The following RAB8A variants were observed in gnomAD, a reference collection of about 807,000 sequenced individuals.
The protein encoded by RAB8A is RAB8A, member RAS oncogene family.
In RAB8A, 5 loss-of-function variants were observed where a neutral mutation model predicts 29.2. The observed-to-expected ratio is 0.17, with a 90% CI of 0.09 to 0.36. RAB8A has a LOEUF of 0.36. RAB8A is among the 10% of genes least tolerant of loss of function. The pLI is 1.00. For missense variants in RAB8A, 171 were observed against 272.2 expected (o/e 0.63, Z 2.62); for synonymous variants, 108 against 99.9 (o/e 1.08, Z -0.49).
Position 16,132,314 on chromosome 19 carries a change from C to T in RAB8A, c.*10C>T. On this transcript the variant is annotated 3_prime_UTR_variant, in exon 8 of 8. Coordinates refer to ENST00000300935, the MANE Select transcript of RAB8A (RefSeq NM_005370.5). The surrounding 1 kb of genome is among the most constrained non-coding windows in gnomAD (Gnocchi z 5.6). The stretch of plus-strand genomic sequence containing the variant: ...ATGTGTTCTTCTGTGAGGAACACCG[C>T]CTTACTCTGAGCCTCGCTCAGCCCA... 6.2e-7 allele frequency: 1 copy of T among 1,613,136 alleles called. No individual in the cohort carries two copies. Among genetic ancestry groups the T allele is most frequent in the Non-Finnish European group, 8.5e-7 (1 of 1,179,508 alleles).
At chr19:16,129,390 C>T (rs1038225774) in intron 6 of RAB8A, among the ~76,000 whole-genome samples, 164 bp from the exon 7 acceptor site, 2 of 152,140 alleles carry the variant, frequency 1.3e-5, no homozygotes, top group Non-Finnish European at 2.9e-5. Context: ...GAAGGATGAG[C>T]TGGGGCCGGA....
At chr19:16,116,494 A>G (rs1362142465) in intron 1 of RAB8A, among the ~76,000 whole-genome samples, 8 of 152,188 alleles carry the variant, frequency 5.3e-5, no homozygotes, top group Admixed American at 2.0e-4. Flanking sequence ...AACCATCACC[A>G]CAGGCAATTT....
In RAB8A at chr19:16,125,747, G is replaced by A. The variant is rs10416989; in HGVS notation, c.324+200G>A. 322,442 of 684,714 alleles carry A rather than the reference G, an allele frequency of 0.47. 77,053 individuals are homozygous for A. The highest frequency in any genetic ancestry group is 0.62 in the Admixed American group (30,692 of 49,510). 42.4% of individuals were successfully genotyped at this position (684,714 alleles called of 1,614,324 possible). On this transcript the variant is annotated intron_variant, in intron 4 of 7. Coordinates refer to ENST00000300935, the MANE Select transcript of RAB8A (RefSeq NM_005370.5). The surrounding 1 kb of genome is among the most constrained non-coding windows in gnomAD (Gnocchi z 5.0). ...CCACACACTGGCCTGGCCCCACCCC[G>A]GAGCCCCTCGGAGCCCATCCCTCCA...
Position 16,127,434 on chromosome 19 carries a change from C to T in RAB8A, c.325-3C>T. 6.7e-7 allele frequency: 1 copy of T among 1,491,106 alleles called. No homozygotes were observed. Among genetic ancestry groups the T allele is most frequent in the Non-Finnish European group, 8.9e-7 (1 of 1,121,704 alleles). 92.4% of individuals were successfully genotyped at this position (1,491,106 alleles called of 1,614,324 possible). On this transcript the variant is annotated splice_polypyrimidine_tract_variant and splice_region_variant and intron_variant, in intron 4 of 7. Coordinates refer to ENST00000300935, the MANE Select transcript of RAB8A (RefSeq NM_005370.5). The surrounding 1 kb of genome is among the most constrained non-coding windows in gnomAD (Gnocchi z 4.8). ...ATCCCCCGTCTGTCCCCCTCCCTCTCAGCACGCCTCTGCAGACGTCGAAAA... is the reference window on the plus strand; with the variant it reads ...ATCCCCCGTCTGTCCCCCTCCCTCTTAGCACGCCTCTGCAGACGTCGAAAA...
intron 1 of RAB8A, chr19:16,112,636 G>A (rs1568318056): frequency 6.4e-6 from 1 of 156,804 alleles, no homozygotes; most frequent in Non-Finnish European, 1.4e-5. Flanking sequence ...CCCAAAACTC[G>A]AGGCTTAGCT....
chr19:16,121,738 C>T lies in RAB8A; in HGVS notation c.186-12C>T, dbSNP rs370892345. On this transcript the variant is annotated splice_polypyrimidine_tract_variant and intron_variant, in intron 2 of 7. Transcript: ENST00000300935. Reference sequence around the variant, plus strand: ...CTTTAATGTTGCTAATATCCCTTCTCTTCATGTTTAGGGACACAGCCGGTC... The same window carrying T: ...CTTTAATGTTGCTAATATCCCTTCTTTTCATGTTTAGGGACACAGCCGGTC... 5 of 1,612,544 alleles carry T rather than the reference C, an allele frequency of 3.1e-6. No homozygotes were observed. In the African/African-American group the frequency reaches 5.3e-5, roughly 17 times the overall value.
chr19:16,117,624 A>G (rs537225463), intron 1 of RAB8A, among the ~76,000 whole-genome samples: 46 of 152,196 alleles, frequency 3.0e-4, no homozygotes, highest in African/African-American at 1.0e-3. Flanking sequence ...CTGCGAGGTC[A>G]CCGTGGGGAA....
chr19:16,128,014 C>T lies in RAB8A; in HGVS notation c.415-12C>T, dbSNP rs749439887. On this transcript the variant is annotated splice_polypyrimidine_tract_variant and intron_variant, in intron 5 of 7. Transcript: ENST00000300935. ...GCTGGTGTGCTCATGCGTGTGCCTC[C>T]CTCTCTCACAGCTGGCCCTCGACTA... The T allele has an allele frequency of 4.3e-6, 7 of 1,614,090 alleles. No homozygotes were observed. The Admixed American group carries it at 1.2e-4, about 27-fold the overall frequency.
chr19:16,118,099 G>A, intron 1 of RAB8A, 127 bp from the exon 2 acceptor site: 3 of 713,930 alleles, frequency 4.2e-6, no homozygotes, highest in Non-Finnish European at 7.2e-6. Flanking sequence ...CATCCTGCAT[G>A]CCCAGCACCA....
At chr19:16,123,457 AT>A (rs2090883666) in intron 3 of RAB8A, among the ~76,000 whole-genome samples, 1 of 152,104 alleles carries the variant, frequency 6.6e-6, no homozygotes, top group Non-Finnish European at 1.5e-5. Flanking sequence ...AAATACAAAA[AT>A]TAGCTGGGCG....
intron 2 of RAB8A, among the ~76,000 whole-genome samples, chr19:16,120,803 GT>G (rs2090871551): frequency 2.0e-5 from 3 of 151,786 alleles, no homozygotes; most frequent in Admixed American, 1.3e-4. Context: ...TAGAGATGAG[GT>G]TTCATTGTGT....
In RAB8A at chr19:16,127,746, C is replaced by G; in HGVS notation, c.414+220C>G. The G allele has an allele frequency of 1.7e-6, 1 of 603,324 alleles. No individual in the cohort carries two copies. 37.4% of individuals were successfully genotyped at this position (603,324 alleles called of 1,614,324 possible). On this transcript the variant is annotated intron_variant, in intron 5 of 7. Coordinates refer to ENST00000300935, the MANE Select transcript of RAB8A (RefSeq NM_005370.5). This position sits in a 1 kb window ranked among gnomAD's most constrained non-coding sequence, Gnocchi z 4.8. ...CTACCATGGCCCCGCTCCAGACTTT[C>G]AAGACCACAGGAGCGGGGAACAGAG...
Position 16,125,344 on chromosome 19 carries a change from C to T in RAB8A, c.247-126C>T, listed in dbSNP as rs530929887. 6.8e-4 allele frequency: 517 copies of T among 763,274 alleles called. 1 individual carries two copies. Among genetic ancestry groups the T allele is most frequent in the African/African-American group, 6.4e-3 (372 of 58,202 alleles). 47.3% of individuals were successfully genotyped at this position (763,274 alleles called of 1,614,324 possible). On this transcript the variant is annotated intron_variant, in intron 3 of 7. Coordinates refer to ENST00000300935, the MANE Select transcript of RAB8A (RefSeq NM_005370.5). The surrounding 1 kb of genome is among the most constrained non-coding windows in gnomAD (Gnocchi z 5.0). ...CGGGGCTCCACAGAGGTGGGGAGGGCGGCAGCTAATGGGCCTGGCTGTGCA... is the reference window on the plus strand; with the variant it reads ...CGGGGCTCCACAGAGGTGGGGAGGGTGGCAGCTAATGGGCCTGGCTGTGCA...
Position 16,121,953 on chromosome 19 carries a change from A to AG in RAB8A, c.246+145dup, listed in dbSNP as rs1300450774. On this transcript the variant is annotated intron_variant, in intron 3 of 7. Coordinates refer to ENST00000300935, the MANE Select transcript of RAB8A (RefSeq NM_005370.5). Reference sequence around the variant, plus strand: ...GGCTCCTTGGTCCCAAGTTAGTCTTAGGAACAGGCTTTGTGCCCCGGCCTA... The same window carrying AG: ...GGCTCCTTGGTCCCAAGTTAGTCTTAGGGAACAGGCTTTGTGCCCCGGCCTA... 5.3e-6 allele frequency: 4 copies of AG among 750,558 alleles called. No individual in the cohort carries two copies. The East Asian group carries it at 1.0e-4, about 19-fold the overall frequency. The allele number at this position is 750,558 out of a possible 1,614,324, so 46.5% of individuals were successfully genotyped here.
At chr19:16,123,734 C>T (rs2090885002) in intron 3 of RAB8A, 1 of 152,150 alleles carries the variant, frequency 6.6e-6, no homozygotes, top group African/African-American at 2.4e-5. Flanking sequence ...ACAGCACCAC[C>T]ATTGCAGCTG....
rs751079244 is a variant in RAB8A, at chr19:16,118,206, T to C, written c.125-20T>C. Reference sequence around the variant, plus strand: ...GGAAATGGGCTGACAGTGACGTGCCTTTTTTCTTTTTTCTTTCAGGAATTG... The same window carrying C: ...GGAAATGGGCTGACAGTGACGTGCCCTTTTTCTTTTTTCTTTCAGGAATTG... On this transcript the variant is annotated intron_variant, in intron 1 of 7. Transcript: ENST00000300935. The C allele has an allele frequency of 6.2e-7, 1 of 1,601,662 alleles. No individual in the cohort carries two copies. Among genetic ancestry groups the C allele is most frequent in the Non-Finnish European group, 8.5e-7 (1 of 1,177,384 alleles).
chr19:16,119,427 A>G (rs1294170149), intron 2 of RAB8A, among the ~76,000 whole-genome samples: 1 of 151,670 alleles, frequency 6.6e-6, no homozygotes, highest in African/African-American at 2.4e-5. Flanking sequence ...CTGGTCTCCA[A>G]CTCCCGACCT....
intron 1 of RAB8A, chr19:16,112,416 G>C: frequency 4.6e-6 from 1 of 216,334 alleles, no homozygotes. Flanking sequence ...AAAGACAGTG[G>C]CATCTCACCT....
chr19:16,125,346 G>T lies in RAB8A; in HGVS notation c.247-124G>T. 1 of 781,672 alleles carries T rather than the reference G, an allele frequency of 1.3e-6. No individual in the cohort carries two copies. Among genetic ancestry groups the T allele is most frequent in the South Asian group, 1.6e-5 (1 of 61,262 alleles). 48.4% of individuals were successfully genotyped at this position (781,672 alleles called of 1,614,324 possible). On this transcript the variant is annotated intron_variant, in intron 3 of 7. Coordinates refer to ENST00000300935, the MANE Select transcript of RAB8A (RefSeq NM_005370.5). This position sits in a 1 kb window ranked among gnomAD's most constrained non-coding sequence, Gnocchi z 5.0. ...GGGCTCCACAGAGGTGGGGAGGGCGGCAGCTAATGGGCCTGGCTGTGCAGT... is the reference window on the plus strand; with the variant it reads ...GGGCTCCACAGAGGTGGGGAGGGCGTCAGCTAATGGGCCTGGCTGTGCAGT...
Sources: gnomAD v4.1 joint callset for allele counts (sites outside exome capture counted in the v4.1 genomes callset) on GRCh38, gnomAD v4.1.1 for gene constraint, Gnocchi (gnomAD v3.1) non-coding constraint, MANE v1.5 for transcripts, NCBI Gene and HGNC (gene_info 2026-07-23, HGNC 2026-07-21) for gene names.